Variants in SMOC2 observed in about 807,000 individuals in gnomAD.
SMOC2 encodes SPARC-related modular calcium-binding protein 2.
In SMOC2, 39 loss-of-function variants were observed where a neutral mutation model predicts 61.4. The observed-to-expected ratio is 0.64, with a 90% CI of 0.49 to 0.83. The LOEUF (loss-of-function observed/expected upper bound fraction) is 0.83. Among genes scored for constraint, SMOC2 ranks in the 40% least tolerant of loss-of-function variants. SMOC2 has a pLI of 0.00. For synonymous variants in SMOC2, 247 were observed against 239.9 expected (o/e 1.03, Z -0.27); for missense variants, 556 against 592.9 (o/e 0.94, Z 0.65).
At chr6:168,555,188 G>A (rs977704016) in intron 7 of SMOC2, among the ~76,000 whole-genome samples, 4 of 152,222 alleles carry the variant, frequency 2.6e-5, no homozygotes, top group Non-Finnish European at 5.9e-5. Context: ...TCTCCACCGG[G>A]CCTGCAATCA....
intron 1 of SMOC2, among the ~76,000 whole-genome samples, chr6:168,500,159 C>G (rs1312497935): frequency 6.6e-6 from 1 of 151,762 alleles, no homozygotes; most frequent in Non-Finnish European, 1.5e-5. Flanking sequence ...CATGGTGGCC[C>G]CTGTGGTCCC....
intron 7 of SMOC2, among the ~76,000 whole-genome samples, chr6:168,558,880 C>T (rs28704084): frequency 1.8e-4 from 21 of 116,720 alleles, no homozygotes; most frequent in East Asian, 4.7e-4. Context: ...CATGTGTGTG[C>T]GTGTGTGCGT....
In SMOC2 at chr6:168,650,790, T is replaced by G; in HGVS notation, c.1010+7T>G. On this transcript the variant is annotated splice_region_variant and intron_variant, in intron 10 of 12. Coordinates refer to ENST00000356284, the MANE Select transcript of SMOC2 (RefSeq NM_001166412.2). ...CCTCCTCCTCGTCAGGCAGGTACGC[T>G]GTGTTCGCCGTGGGACAACAAGTTG... 2 of 1,607,240 alleles carry G rather than the reference T, an allele frequency of 1.2e-6. 1 individual carries two copies.
chr6:168,596,907 T>C (rs1044526964), intron 7 of SMOC2, among the ~76,000 whole-genome samples: 1 of 152,246 alleles, frequency 6.6e-6, no homozygotes, highest in Non-Finnish European at 1.5e-5. Context: ...ATTTCAGTCA[T>C]TGACAAATTT....
intron 1 of SMOC2, among the ~76,000 whole-genome samples, chr6:168,481,080 G>T (rs1027981127): frequency 1.8e-4 from 28 of 152,156 alleles, no homozygotes; most frequent in African/African-American, 6.8e-4. Flanking sequence ...TGTAAGAAAT[G>T]CTAAAGGGAG....
intron 2 of SMOC2, among the ~76,000 whole-genome samples, chr6:168,514,317 C>T (rs945596506): frequency 8.6e-5 from 13 of 151,862 alleles, no homozygotes; most frequent in African/African-American, 2.2e-4. Context: ...ACTGCCGATA[C>T]TCTACTGCTA....
chr6:168,664,507 C>T lies in SMOC2; in HGVS notation c.1323+396C>T, dbSNP rs1238210948. 1.6e-4 allele frequency: 62 copies of T among 395,216 alleles called. No homozygotes were observed. In the East Asian group the frequency reaches 4.2e-3, roughly 27 times the overall value. The allele number at this position is 395,216 out of a possible 1,614,324, so 24.5% of individuals were successfully genotyped here. A position where few individuals can be genotyped will look rare whatever the true frequency, so the allele number is the denominator to read the frequency against. On this transcript the variant is annotated intron_variant, in intron 12 of 12. Coordinates refer to ENST00000356284, the MANE Select transcript of SMOC2 (RefSeq NM_001166412.2). The stretch of plus-strand genomic sequence containing the variant: ...GGGATTACAGGCATGCGCCACCGTA[C>T]CCGGCTGAATTTTTTCAAGCAATTG...
chr6:168,508,790 G>T (rs1403347955), intron 1 of SMOC2, among the ~76,000 whole-genome samples: 1 of 152,240 alleles, frequency 6.6e-6, no homozygotes, highest in Non-Finnish European at 1.5e-5. Context: ...CCGCTCACGT[G>T]CACACCACGT....
chr6:168,583,657 T>C (rs1377040016), intron 7 of SMOC2, among the ~76,000 whole-genome samples: 1 of 151,954 alleles, frequency 6.6e-6, no homozygotes, highest in African/African-American at 2.4e-5. Flanking sequence ...CACAAGCAAA[T>C]TTGGAGCCTC....
chr6:168,656,095 A>C (rs936813264), intron 11 of SMOC2, among the ~76,000 whole-genome samples: 5 of 152,240 alleles, frequency 3.3e-5, no homozygotes, highest in African/African-American at 1.2e-4. Context: ...GGGTAGGGCT[A>C]GTAGACACCG....
At chr6:168,487,883 G>T (rs1782372651) in intron 1 of SMOC2, among the ~76,000 whole-genome samples, 1 of 151,884 alleles carries the variant, frequency 6.6e-6, no homozygotes, top group Admixed American at 6.6e-5. Context: ...ATTTTTTTTG[G>T]CAATTTACAT....
intron 7 of SMOC2, among the ~76,000 whole-genome samples, chr6:168,582,205 A>C (rs1453690253): frequency 6.6e-6 from 1 of 152,208 alleles, no homozygotes; most frequent in African/African-American, 2.4e-5. Context: ...ACAGCTCTGC[A>C]GTCTCAGGCT....
chr6:168,510,126 T>C, intron 2 of SMOC2, 40 bp downstream of exon 2: 1 of 1,574,326 alleles, frequency 6.4e-7, no homozygotes. Context: ...GATGGGTACA[T>C]CCATCATCAA....
intron 1 of SMOC2, among the ~76,000 whole-genome samples, chr6:168,478,676 T>C (rs949133941): frequency 6.6e-6 from 1 of 152,192 alleles, no homozygotes; most frequent in African/African-American, 2.4e-5. Flanking sequence ...GAGAGACAAG[T>C]TGTGCTGGAT....
chr6:168,630,609 G>A (rs1185696910), intron 9 of SMOC2, among the ~76,000 whole-genome samples: 1 of 152,212 alleles, frequency 6.6e-6, no homozygotes, highest in African/African-American at 2.4e-5. Context: ...GCAATGTTCA[G>A]GGAACAAGAG....
At chr6:168,659,049 G>C (rs1361493008) in intron 11 of SMOC2, among the ~76,000 whole-genome samples, 2 of 92,148 alleles carry the variant, frequency 2.2e-5, no homozygotes, top group African/African-American at 8.9e-5. Flanking sequence ...TGTGTGTGTG[G>C]CGTGTGGGGT....
chr6:168,445,868 G>T (rs1781321229), intron 1 of SMOC2, among the ~76,000 whole-genome samples: 1 of 152,156 alleles, frequency 6.6e-6, no homozygotes, highest in South Asian at 2.1e-4. Flanking sequence ...AGCAATTGCA[G>T]TCCCTAACAA....
intron 9 of SMOC2, among the ~76,000 whole-genome samples, chr6:168,621,738 C>T (rs569606027): frequency 8.5e-5 from 13 of 152,136 alleles, no homozygotes; most frequent in Admixed American, 4.6e-4. Flanking sequence ...CGGACTCACT[C>T]GCTATCTGGA....
chr6:168,647,270 C>T (rs1438301381), intron 9 of SMOC2, among the ~76,000 whole-genome samples: 4 of 152,128 alleles, frequency 2.6e-5, no homozygotes, highest in South Asian at 2.1e-4. Context: ...TTACAGGGGC[C>T]GTTAGACCCC....
Sources: gnomAD v4.1 joint callset for allele counts (sites outside exome capture counted in the v4.1 genomes callset) on GRCh38, gnomAD v4.1.1 for gene constraint, MANE v1.5 for transcripts, NCBI Gene and HGNC (gene_info 2026-07-23, HGNC 2026-07-21) for gene names.